KDM2A: variants seen among roughly 807,000 people sequenced by gnomAD.
The protein encoded by KDM2A is lysine-specific demethylase 2A.
In KDM2A, 3 loss-of-function variants were observed where a neutral mutation model predicts 137.3. That is an observed-to-expected ratio of 0.02 (90% CI 0.01 to 0.06). KDM2A has a LOEUF of 0.06. KDM2A is among the 10% of genes least tolerant of loss of function. KDM2A has a pLI of 1.00. For synonymous variants in KDM2A, 512 were observed against 541.5 expected, an observed-to-expected ratio of 0.95 and a Z score of 0.76; for missense variants, 738 against 1,510.6, an observed-to-expected ratio of 0.49 and a Z score of 8.48.
At chr11:67,202,598 C>A (rs562070589) in intron 5 of KDM2A, among the ~76,000 whole-genome samples, 1 of 151,704 alleles carries the variant, frequency 6.6e-6, no homozygotes, top group Non-Finnish European at 1.5e-5. Flanking sequence ...TGGTGAAACC[C>A]CGTCTCTACT....
chr11:67,177,172 G>C (rs1049933455), intron 2 of KDM2A, among the ~76,000 whole-genome samples: 1 of 152,020 alleles, frequency 6.6e-6, no homozygotes, highest in East Asian at 1.9e-4. Context: ...AGGCTGAGGC[G>C]AGAGAATCAC....
rs12420763 is a variant in KDM2A at position 67,217,944 on chromosome 11, T to C, written c.841+60T>C. 13,915 of 1,400,208 alleles carry C rather than the reference T, an allele frequency of 9.9e-3. 1,564 individuals are homozygous for C. In the Admixed American group the frequency reaches 0.24, roughly 24 times the overall value. 86.7% of individuals were successfully genotyped at this position (1,400,208 alleles called of 1,614,324 possible). A position where few individuals can be genotyped will look rare whatever the true frequency, so the allele number is the denominator to read the frequency against. On this transcript the variant is annotated intron_variant, in intron 9 of 20. Coordinates refer to ENST00000529006, the MANE Select transcript of KDM2A (RefSeq NM_012308.3). ...TTTTTTTCCTTAATGAAAAAGAAAT[T>C]GATGGATTACCACCAAGAATAGTTA...
rs1858512610 is a variant in KDM2A, at chr11:67,225,516, A to G, written c.958-2521A>G. 4.6e-5 allele frequency among the ~76,000 whole-genome samples: 7 copies of G among 152,162 alleles called. No individual in the cohort carries two copies. In the South Asian group the frequency reaches 1.5e-3, roughly 32 times the overall value. On this transcript the variant is annotated intron_variant, in intron 10 of 20. Transcript: ENST00000529006. The stretch of plus-strand genomic sequence containing the variant: ...CCAGTCACGCTGGCTCACGCCTGTA[A>G]TCCCAGCACTTTGGGAGGCCGAGGT...
intron 2 of KDM2A, among the ~76,000 whole-genome samples, chr11:67,162,912 A>T (rs1856665127): frequency 6.6e-6 from 1 of 151,572 alleles, no homozygotes; most frequent in Non-Finnish European, 1.5e-5. Flanking sequence ...GGGGTCTGGC[A>T]TTGTGTCCAA....
intron 12 of KDM2A, among the ~76,000 whole-genome samples, chr11:67,238,249 C>G (rs1858927305): frequency 1.3e-5 from 2 of 152,068 alleles, no homozygotes. Flanking sequence ...GAGTGAGTTT[C>G]CTAGTGCCCG....
intron 10 of KDM2A, among the ~76,000 whole-genome samples, chr11:67,223,467 A>G (rs1312637117): frequency 6.6e-6 from 1 of 151,956 alleles, no homozygotes; most frequent in African/African-American, 2.4e-5. Flanking sequence ...CAGTAGCATG[A>G]TCTCAGCTCA....
At chr11:67,132,880 G>A (rs967436493) in intron 2 of KDM2A, among the ~76,000 whole-genome samples, 1 of 152,168 alleles carries the variant, frequency 6.6e-6, no homozygotes, top group African/African-American at 2.4e-5. Context: ...AACAAGACAG[G>A]TGATTTTGAT....
At chr11:67,217,002 G>A (rs1436187090) in intron 8 of KDM2A, among the ~76,000 whole-genome samples, 8 of 152,122 alleles carry the variant, frequency 5.3e-5, no homozygotes, top group Non-Finnish European at 1.2e-4. Context: ...CCAACACTTT[G>A]GGAGGCCAAG....
At chr11:67,226,017 A>G (rs1351841413) in intron 10 of KDM2A, among the ~76,000 whole-genome samples, 1 of 152,162 alleles carries the variant, frequency 6.6e-6, no homozygotes, top group Non-Finnish European at 1.5e-5. Context: ...GTGAGCCAAG[A>G]TTGCACCATT....
intron 2 of KDM2A, among the ~76,000 whole-genome samples, chr11:67,139,141 C>T (rs1314661095): frequency 3.9e-5 from 6 of 152,038 alleles, no homozygotes; most frequent in African/African-American, 1.4e-4. Flanking sequence ...ACAGAAGGGG[C>T]CCATTACTAC....
Position 67,245,933 on chromosome 11 carries a change from A to AT in KDM2A, c.1834-51dup, listed in dbSNP as rs1404289205. On this transcript the variant is annotated intron_variant, in intron 14 of 20. Coordinates refer to ENST00000529006, the MANE Select transcript of KDM2A (RefSeq NM_012308.3). The surrounding 1 kb of genome is among the most constrained non-coding windows in gnomAD (Gnocchi z 4.1). ...CATCTTCAGTTTAAGGGAAACTGAA[A>AT]TGATAAAGATCTGAGTCAGTTCTCT... 20 of 1,601,430 alleles carry AT rather than the reference A, an allele frequency of 1.2e-5. No homozygotes were observed. The highest frequency in any genetic ancestry group is 6.8e-5 in the Admixed American group (4 of 59,150).
chr11:67,217,092 A>G (rs1026757437), intron 8 of KDM2A, among the ~76,000 whole-genome samples: 2 of 151,024 alleles, frequency 1.3e-5, no homozygotes, highest in Admixed American at 6.6e-5. Context: ...AAATACAAAA[A>G]TTAGCTGGGT....
chr11:67,252,555 T>C, intron 17 of KDM2A, 139 bp from the exon 18 acceptor site: 1 of 944,040 alleles, frequency 1.1e-6, no homozygotes, highest in South Asian at 1.4e-5. Flanking sequence ...AGGCAAAAAA[T>C]GATAAGGTGT....
chr11:67,132,667 A>G (rs966028400), intron 2 of KDM2A, among the ~76,000 whole-genome samples: 1 of 152,232 alleles, frequency 6.6e-6, no homozygotes, highest in Admixed American at 6.5e-5. Flanking sequence ...GGGGTGGTCT[A>G]GAAAGAAATT....
At chr11:67,130,435 A>G (rs1855827167) in intron 2 of KDM2A, among the ~76,000 whole-genome samples, 1 of 152,078 alleles carries the variant, frequency 6.6e-6, no homozygotes, top group African/African-American at 2.4e-5. Context: ...GTGAGCCACC[A>G]TGCCCGGCCT....
chr11:67,181,796 A>T, intron 4 of KDM2A, 50 bp from the exon 5 acceptor site: 1 of 1,519,592 alleles, frequency 6.6e-7, no homozygotes, highest in Non-Finnish European at 9.1e-7. Flanking sequence ...ACTCACATTT[A>T]CTAGAGCAAT....
chr11:67,122,644 T>TTTAC (rs1006974692), intron 2 of KDM2A, among the ~76,000 whole-genome samples: 1 of 93,522 alleles, frequency 1.1e-5, no homozygotes, highest in Non-Finnish European at 1.8e-5. Flanking sequence ...TTTATTTATT[T>TTTAC]TTATTTATTT....
At chr11:67,180,613 G>A (rs1393496084) in intron 3 of KDM2A, among the ~76,000 whole-genome samples, 1 of 152,092 alleles carries the variant, frequency 6.6e-6, no homozygotes, top group Non-Finnish European at 1.5e-5. Context: ...AAACTGACAA[G>A]GATGTCATAT....
At chr11:67,181,071 A>G (rs1429626276) in intron 3 of KDM2A, among the ~76,000 whole-genome samples, 1 of 151,652 alleles carries the variant, frequency 6.6e-6, no homozygotes, top group Non-Finnish European at 1.5e-5. Context: ...TTTAAGCTCT[A>G]AATTTCCTGT....
Sources: allele counts gnomAD v4.1 joint callset (sites outside exome capture counted in the v4.1 genomes callset), GRCh38; gene constraint gnomAD v4.1.1; non-coding constraint Gnocchi (gnomAD v3.1); transcripts MANE v1.5; gene names NCBI Gene and HGNC (gene_info 2026-07-23, HGNC 2026-07-21).